The following NHSL3 variants were observed in gnomAD, a reference collection of about 807,000 sequenced individuals.
The protein encoded by NHSL3 is NHS like 3, also known as NHS-like protein 3.
At chr1:32,765,624 C>T in the NHSL3 span, 2 of 1,523,042 alleles carry the variant, frequency 1.3e-6, no homozygotes, top group Non-Finnish European at 1.8e-6. Context: ...GCAGCCCCTC[C>T]CCCTCCTCTG....
chr1:32,770,585 C>T, the NHSL3 span: 1 of 1,520,132 alleles, frequency 6.6e-7, no homozygotes. This position sits in a 1 kb window ranked among gnomAD's most constrained non-coding sequence, Gnocchi z 8.3. Flanking sequence ...GGGGGCAGCA[C>T]TGCTGAGGCC....
At chr1:32,768,899 ACC>A in the NHSL3 span, 47 of 1,178,812 alleles carry the variant, frequency 4.0e-5, no homozygotes, top group Non-Finnish European at 5.2e-5. Flanking sequence ...GAAACACAGT[ACC>A]CTGTGTCCTC....
chr1:32,772,305 T>G, the NHSL3 span: 1 of 853,162 alleles, frequency 1.2e-6, no homozygotes. Flanking sequence ...CCAGTTACCC[T>G]CGAGCTGAGC....
chr1:32,765,648 C>T, the NHSL3 span: 2 of 1,532,224 alleles, frequency 1.3e-6, no homozygotes, highest in Non-Finnish European at 1.7e-6. Context: ...GGAGCCGGTG[C>T]TCTGCGGCGG....
chr1:32,748,894 C>T, the NHSL3 span, among the ~76,000 whole-genome samples: 1 of 152,056 alleles, frequency 6.6e-6, no homozygotes, highest in African/African-American at 2.4e-5. Context: ...CTCCCCCAGA[C>T]CCCTGTGAGA....
chr1:32,770,069 A>C, the NHSL3 span: 3 of 1,559,804 alleles, frequency 1.9e-6, no homozygotes, highest in Non-Finnish European at 2.6e-6. The surrounding 1 kb of genome is among the most constrained non-coding windows in gnomAD (Gnocchi z 8.3). Flanking sequence ...CGCCACATTG[A>C]CCGTGTCTAC....
the NHSL3 span, chr1:32,765,931 G>A: frequency 1.8e-5 from 19 of 1,069,352 alleles, no homozygotes; most frequent in African/African-American, 2.8e-4. Context: ...GTAATGGGGT[G>A]GGGCTGGGGG....
the NHSL3 span, among the ~76,000 whole-genome samples, chr1:32,748,807 G>T: frequency 1.3e-5 from 2 of 152,114 alleles, no homozygotes; most frequent in Non-Finnish European, 2.9e-5. Flanking sequence ...GGAGTTTGGG[G>T]TTTCTCAATA....
At chr1:32,756,842 A>T in the NHSL3 span, among the ~76,000 whole-genome samples, 1 of 151,558 alleles carries the variant, frequency 6.6e-6, no homozygotes. Flanking sequence ...GGTGGTGGGC[A>T]CCTGTAATCC....
the NHSL3 span, among the ~76,000 whole-genome samples, chr1:32,748,408 G>T: frequency 6.6e-6 from 1 of 152,136 alleles, no homozygotes; most frequent in Non-Finnish European, 1.5e-5. Context: ...CTCTGGGGTC[G>T]TGGGCGCCTT....
the NHSL3 span, among the ~76,000 whole-genome samples, chr1:32,749,706 G>T: frequency 1.3e-5 from 2 of 152,160 alleles, no homozygotes; most frequent in African/African-American, 4.8e-5. Context: ...GGCCAAGGGA[G>T]TCTTCCCTGC....
the NHSL3 span, chr1:32,771,228 TGCCCCTGCTCTAGCC>T: frequency 6.2e-7 from 1 of 1,610,980 alleles, no homozygotes; most frequent in East Asian, 2.2e-5. Flanking sequence ...CTAACCCAGC[TGCCCCTGCTCTAGCC>T]GCCCCTGCTG....
At chr1:32,742,176 G>A in the NHSL3 span, 1 of 1,247,920 alleles carries the variant, frequency 8.0e-7, no homozygotes, top group East Asian at 3.2e-5. Flanking sequence ...AGAGGGCCAA[G>A]GGCAAAGGCC....
the NHSL3 span, among the ~76,000 whole-genome samples, chr1:32,743,053 G>A: frequency 2.0e-5 from 3 of 152,312 alleles, no homozygotes; most frequent in African/African-American, 7.2e-5. Context: ...TCCCTGCTGG[G>A]GTCATTTTCA....
At chr1:32,767,472 G>A in the NHSL3 span, among the ~76,000 whole-genome samples, 1 of 152,078 alleles carries the variant, frequency 6.6e-6, no homozygotes, top group Non-Finnish European at 1.5e-5. Context: ...TGACATCTGT[G>A]AGTGCTGTGT....
chr1:32,749,180 A>G, the NHSL3 span, among the ~76,000 whole-genome samples: 1 of 152,130 alleles, frequency 6.6e-6, no homozygotes, highest in Admixed American at 6.5e-5. Flanking sequence ...TTGAGCTGAA[A>G]TGGAAGGATG....
the NHSL3 span, chr1:32,767,945 C>A: frequency 2.5e-6 from 4 of 1,613,620 alleles, no homozygotes; most frequent in Non-Finnish European, 3.4e-6. Flanking sequence ...GCTCCGCTCC[C>A]TACAACACCA....
At chr1:32,769,808 C>T in the NHSL3 span, 2 of 1,604,582 alleles carry the variant, frequency 1.2e-6, no homozygotes, top group South Asian at 2.2e-5. Context: ...GTTAGGAGGG[C>T]AGTGGTGGGG....
At chr1:32,748,211 G>A in the NHSL3 span, among the ~76,000 whole-genome samples, 713 of 152,172 alleles carry the variant, frequency 4.7e-3, 9 homozygotes, top group African/African-American at 0.016. Flanking sequence ...CCCAGGAGGC[G>A]GAGGCTGCAG....
Sources: allele counts gnomAD v4.1 joint callset (sites outside exome capture counted in the v4.1 genomes callset), GRCh38; gene constraint gnomAD v4.1.1; non-coding constraint Gnocchi (gnomAD v3.1); transcripts MANE v1.5; gene names NCBI Gene and HGNC (gene_info 2026-07-23, HGNC 2026-07-21).